The following MKRN2 variants were observed in gnomAD, a reference collection of about 807,000 sequenced individuals.
MKRN2 encodes makorin ring finger protein 2.
In MKRN2, 32 loss-of-function variants were observed where a neutral mutation model predicts 45.4. The observed-to-expected ratio is 0.70, with a 90% CI of 0.53 to 0.95. The LOEUF is 0.95. MKRN2 is among the 40% of genes least tolerant of loss of function. MKRN2 has a pLI of 0.00. For synonymous variants in MKRN2, 206 were observed against 192.4 expected (o/e 1.07, Z -0.59); for missense variants, 526 against 536.7 (o/e 0.98, Z 0.20).
intron 1 of MKRN2, among the ~76,000 whole-genome samples, chr3:12,559,556 T>C (rs563274073): frequency 1.3e-5 from 2 of 152,364 alleles, no homozygotes; most frequent in African/African-American, 4.8e-5. Flanking sequence ...GCTTCCAATC[T>C]GTTAGATATT....
At chr3:12,559,391 G>C (rs1309640893) in intron 1 of MKRN2, among the ~76,000 whole-genome samples, 1 of 151,852 alleles carries the variant, frequency 6.6e-6, no homozygotes, top group East Asian at 1.9e-4. Context: ...TTTATTTTGG[G>C]GACCAGATCT....
Position 12,583,510 on chromosome 3 carries a change from GTTC to G in MKRN2, c.*1260_*1262del. 1 of 208,816 alleles carries G rather than the reference GTTC, an allele frequency of 4.8e-6. No individual in the cohort carries two copies. The highest frequency in any genetic ancestry group is 1.5e-3 in the Middle Eastern group (1 of 650). 12.9% of individuals were successfully genotyped at this position (208,816 alleles called of 1,614,324 possible). Reference sequence around the variant, plus strand: ...AGCCTAGGCTCTGGGCACATTTCCTGTTCTTGAATTCTGCTCCTGAAGAGGGTG... The same window carrying G: ...AGCCTAGGCTCTGGGCACATTTCCTGTTGAATTCTGCTCCTGAAGAGGGTG... On this transcript the variant is annotated 3_prime_UTR_variant, in exon 8 of 8. Coordinates refer to ENST00000170447, the MANE Select transcript of MKRN2 (RefSeq NM_014160.5).
At chr3:12,571,497 C>T (rs2058099067) in intron 3 of MKRN2, among the ~76,000 whole-genome samples, 1 of 152,122 alleles carries the variant, frequency 6.6e-6, no homozygotes, top group Non-Finnish European at 1.5e-5. Flanking sequence ...CAGATTCTGT[C>T]CTCAGCAAAT....
intron 2 of MKRN2, 109 bp from the exon 3 acceptor site, chr3:12,569,962 T>G (rs2125303637): frequency 1.8e-6 from 2 of 1,088,636 alleles, no homozygotes; most frequent in Non-Finnish European, 2.6e-6. Context: ...GATGGCCGCC[T>G]TCTTCACCTC....
chr3:12,579,131 A>G (rs2058161972), intron 6 of MKRN2, among the ~76,000 whole-genome samples: 2 of 152,136 alleles, frequency 1.3e-5, no homozygotes, highest in Non-Finnish European at 2.9e-5. Context: ...TGGGTCAGGT[A>G]CCTTCTAGCT....
In MKRN2 at chr3:12,583,451, A is replaced by G. The variant is rs979855024; in HGVS notation, c.*1198A>G. The G allele has an allele frequency of 5.1e-6, 1 of 194,434 alleles. No individual in the cohort carries two copies. Among genetic ancestry groups the G allele is most frequent in the Admixed American group, 6.1e-5 (1 of 16,402 alleles). 12.0% of individuals were successfully genotyped at this position (194,434 alleles called of 1,614,324 possible). A position where few individuals can be genotyped will look rare whatever the true frequency, so the allele number is the denominator to read the frequency against. On this transcript the variant is annotated 3_prime_UTR_variant, in exon 8 of 8. Transcript: ENST00000170447. ...CTTAACTCTTCAGTAGAGGTTTACA[A>G]AGAGTACAAAGGTTAAATTACAAAT...
chr3:12,580,250 T>C (rs1474166810), intron 6 of MKRN2, among the ~76,000 whole-genome samples: 1 of 152,192 alleles, frequency 6.6e-6, no homozygotes, highest in Non-Finnish European at 1.5e-5. Context: ...ATCGAGTTCA[T>C]AGCCAGTGTG....
rs373777177 is a variant in MKRN2, at chr3:12,570,044, A to C, written c.156-27A>C. On this transcript the variant is annotated intron_variant, in intron 2 of 7. Coordinates refer to ENST00000170447, the MANE Select transcript of MKRN2 (RefSeq NM_014160.5). Reference sequence around the variant, plus strand: ...AGATGTGTGTGGGTGGCATGTCTGTAATGCATCTGCTGTGTGTTTTGTTTA... The same window carrying C: ...AGATGTGTGTGGGTGGCATGTCTGTCATGCATCTGCTGTGTGTTTTGTTTA... 14 of 1,565,332 alleles carry C rather than the reference A, an allele frequency of 8.9e-6. No homozygotes were observed. The African/African-American group carries it at 1.8e-4, about 20-fold the overall frequency.
rs1454140763 is a variant in MKRN2 at position 12,583,646 on chromosome 3, G to A, written c.*1393G>A. 4.3e-6 allele frequency: 1 copy of A among 232,872 alleles called. No homozygotes were observed. Among genetic ancestry groups the A allele is most frequent in the African/African-American group, 2.2e-5 (1 of 45,296 alleles). The allele number at this position is 232,872 out of a possible 1,614,324, so 14.4% of individuals were successfully genotyped here. A position where few individuals can be genotyped will look rare whatever the true frequency, so the allele number is the denominator to read the frequency against. ...TTTTATTAAAATAACATAATTGAGGGACCATCAGATAACTGTATTTTGTCA... is the reference window on the plus strand; with the variant it reads ...TTTTATTAAAATAACATAATTGAGGAACCATCAGATAACTGTATTTTGTCA... On this transcript the variant is annotated 3_prime_UTR_variant, in exon 8 of 8. Transcript: ENST00000170447.
chr3:12,573,886 C>G (rs1033891932), intron 4 of MKRN2, among the ~76,000 whole-genome samples: 6 of 150,220 alleles, frequency 4.0e-5, no homozygotes, highest in African/African-American at 1.5e-4. Context: ...GAGAGAGACT[C>G]TGTCTCAAAA....
At chr3:12,569,830 C>T (rs2058088239) in intron 2 of MKRN2, among the ~76,000 whole-genome samples, 1 of 152,124 alleles carries the variant, frequency 6.6e-6, no homozygotes, top group Admixed American at 6.5e-5. Context: ...GTGTGTCTGT[C>T]CCACTCAAGT....
At chr3:12,570,382 A>C in intron 3 of MKRN2, 130 bp downstream of exon 3, 4 of 926,192 alleles carry the variant, frequency 4.3e-6, no homozygotes, top group South Asian at 1.7e-5. Context: ...CTGCGCGGAG[A>C]GACTTCAGAA....
At chr3:12,570,634 T>C (rs2058092889) in intron 3 of MKRN2, among the ~76,000 whole-genome samples, 1 of 152,080 alleles carries the variant, frequency 6.6e-6, no homozygotes, top group Admixed American at 6.5e-5. Flanking sequence ...CCCAACACTT[T>C]GGGAGGCTGA....
chr3:12,572,151 C>T lies in MKRN2; in HGVS notation c.420C>T (p.Pro140=), dbSNP rs535538034. The change falls in exon 4 of 8, where the codon CCC becomes CCT. Residue 140 remains proline, a synonymous_variant. Coordinates refer to ENST00000170447, the MANE Select transcript of MKRN2 (RefSeq NM_014160.5). ...PGSCSDPQPS[P]EMKPHSYLDA... ...GCTGCAGCGACCCCCAGCCCAGCCC[C>T]GAGATGAAGCCGCATTCCTACCTGG... 57 of 1,614,146 alleles carry T rather than the reference C, an allele frequency of 3.5e-5. 1 individual carries two copies. The highest frequency in any genetic ancestry group is 2.1e-4 in the African/African-American group (16 of 75,040).
chr3:12,575,367 C>G lies in MKRN2; in HGVS notation c.857+361C>G, dbSNP rs566759802. On this transcript the variant is annotated intron_variant, in intron 5 of 7. Coordinates refer to ENST00000170447, the MANE Select transcript of MKRN2 (RefSeq NM_014160.5). Reference sequence around the variant, plus strand: ...TTAATCATTTTGAGCTTCGTTTTTTCCCCCCACCAAAAACGAAAATAGGGT... The same window carrying G: ...TTAATCATTTTGAGCTTCGTTTTTTGCCCCCACCAAAAACGAAAATAGGGT... Among the ~76,000 whole-genome samples, 4 of 152,128 alleles carry G rather than the reference C, an allele frequency of 2.6e-5. No individual in the cohort carries two copies. The South Asian group carries it at 8.3e-4, about 32-fold the overall frequency.
chr3:12,568,862 C>T lies in MKRN2; in HGVS notation c.27-13C>T, dbSNP rs1357702218. 1.2e-6 allele frequency: 2 copies of T among 1,609,620 alleles called. No individual in the cohort carries two copies. The highest frequency in any genetic ancestry group is 1.3e-5 in the African/African-American group (1 of 74,880). On this transcript the variant is annotated splice_polypyrimidine_tract_variant and intron_variant, in intron 1 of 7. Transcript: ENST00000170447. ...TGCTTCTAAAAGTTGTATGCCTGTGCTTGTCTCTGCAGGTATTTTATGCAT... is the reference window on the plus strand; with the variant it reads ...TGCTTCTAAAAGTTGTATGCCTGTGTTTGTCTCTGCAGGTATTTTATGCAT...
At chr3:12,581,722 G>C (rs545029089) in intron 6 of MKRN2, 86 bp from the exon 7 acceptor site, 48 of 1,462,958 alleles carry the variant, frequency 3.3e-5, no homozygotes, top group South Asian at 2.4e-4. Flanking sequence ...CTGGCGTAAG[G>C]GTGGTAAGGA....
chr3:12,567,858 C>G (rs1208875441), intron 1 of MKRN2, among the ~76,000 whole-genome samples: 1 of 152,166 alleles, frequency 6.6e-6, no homozygotes, highest in Non-Finnish European at 1.5e-5. Flanking sequence ...ACTCAGGTCT[C>G]TCTACCCTGT....
At position 12,557,121 on chromosome 3, in the gene MKRN2, G is replaced by A; in HGVS notation, c.-30G>A. 2 of 1,495,538 alleles carry A rather than the reference G, an allele frequency of 1.3e-6. No individual in the cohort carries two copies. The highest frequency in any genetic ancestry group is 1.8e-6 in the Non-Finnish European group (2 of 1,125,044). 92.6% of individuals were successfully genotyped at this position (1,495,538 alleles called of 1,614,324 possible). A position where few individuals can be genotyped will look rare whatever the true frequency, so the allele number is the denominator to read the frequency against. Reference sequence around the variant, plus strand: ...GCGGCAGCGGCTGCGAGAGGCGGCGGCACGACGACGGTCCCTCAGCCCAGC... The same window carrying A: ...GCGGCAGCGGCTGCGAGAGGCGGCGACACGACGACGGTCCCTCAGCCCAGC... On this transcript the variant is annotated 5_prime_UTR_variant, in exon 1 of 8. Transcript: ENST00000170447.
Sources: allele counts gnomAD v4.1 joint callset (sites outside exome capture counted in the v4.1 genomes callset), GRCh38; gene constraint gnomAD v4.1.1; transcripts MANE v1.5; gene names NCBI Gene and HGNC (gene_info 2026-07-23, HGNC 2026-07-21).